CEP128: variants seen among roughly 807,000 people sequenced by gnomAD.
CEP128 encodes centrosomal protein 128kDa.
Under a neutral mutation model 156.7 loss-of-function variants are expected in CEP128, and 132 were observed. The ratio of observed to expected loss-of-function variants is 0.84; its 90% CI spans 0.73 to 0.97. The LOEUF (loss-of-function observed/expected upper bound fraction) is 0.97. CEP128 is among the 50% of genes least tolerant of loss of function. The probability of loss-of-function intolerance (pLI) is 0.00; values close to 1 mark genes in which losing one functional copy is unlikely to be tolerated. For missense variants in CEP128, 1,252 were observed against 1,281.9 expected (o/e 0.98, Z 0.36); for synonymous variants, 469 against 448.9 (o/e 1.04, Z -0.57).
chr14:80,939,130 C>G (rs1383705481), intron 2 of CEP128, among the ~76,000 whole-genome samples: 1 of 152,218 alleles, frequency 6.6e-6, no homozygotes, highest in Non-Finnish European at 1.5e-5. Flanking sequence ...AAAGCAGGTT[C>G]TCAATTCCTT....
intron 19 of CEP128, among the ~76,000 whole-genome samples, chr14:80,665,019 A>C (rs1895554966): frequency 6.6e-6 from 1 of 152,226 alleles, no homozygotes; most frequent in African/African-American, 2.4e-5. Flanking sequence ...GACTCCTTTC[A>C]ACTTTAATTA....
chr14:80,858,201 T>G (rs548703928), intron 9 of CEP128, among the ~76,000 whole-genome samples: 1 of 146,856 alleles, frequency 6.8e-6, no homozygotes, highest in East Asian at 2.0e-4. Context: ...AACAGAGATA[T>G]AGATCAATGG....
chr14:80,499,332 A>C lies in CEP128; in HGVS notation c.3182-1750T>G, dbSNP rs148541480. On this transcript the variant is annotated intron_variant, in intron 24 of 24. Transcript: ENST00000555265. ...CACCCCACGGACTTAAACTACCATT[A>C]GAGGCACCTCAAAACACAAAGTGAG... Among the ~76,000 whole-genome samples, 654 of 152,328 alleles carry C rather than the reference A, an allele frequency of 4.3e-3. 7 individuals are homozygous for C. Among genetic ancestry groups the C allele is most frequent in the Non-Finnish European group, 7.5e-3 (513 of 68,020 alleles).
At chr14:80,725,429 C>T (rs1204852903) in intron 19 of CEP128, among the ~76,000 whole-genome samples, 3 of 151,906 alleles carry the variant, frequency 2.0e-5, no homozygotes, top group Non-Finnish European at 2.9e-5. Flanking sequence ...GTGATCTGCC[C>T]GCCTCAGCCT....
chr14:80,673,494 A>C (rs908862676), intron 19 of CEP128, among the ~76,000 whole-genome samples: 2 of 145,896 alleles, frequency 1.4e-5, no homozygotes, highest in African/African-American at 5.1e-5. Flanking sequence ...ATACAAAAAA[A>C]AATTAGCCGG....
At chr14:80,588,670 C>A (rs1008092796) in intron 19 of CEP128, among the ~76,000 whole-genome samples, 2 of 152,046 alleles carry the variant, frequency 1.3e-5, no homozygotes, top group Non-Finnish European at 2.9e-5. Flanking sequence ...ATCCCCTCCC[C>A]ACTTTGAGGC....
At chr14:80,534,010 G>A (rs1179189918) in intron 21 of CEP128, among the ~76,000 whole-genome samples, 1 of 152,160 alleles carries the variant, frequency 6.6e-6, no homozygotes, top group Admixed American at 6.5e-5. Flanking sequence ...CACAAATGCT[G>A]AACTAACTAG....
At chr14:80,913,361 T>G (rs552010032) in intron 4 of CEP128, among the ~76,000 whole-genome samples, 2 of 152,234 alleles carry the variant, frequency 1.3e-5, no homozygotes, top group Admixed American at 6.5e-5. Flanking sequence ...CAAAGTTATA[T>G]GGAAAGTGAT....
chr14:80,657,250 C>T (rs572609709), intron 19 of CEP128, among the ~76,000 whole-genome samples: 1 of 150,432 alleles, frequency 6.6e-6, no homozygotes, highest in South Asian at 2.1e-4. Flanking sequence ...GAGCCAGACT[C>T]TATCTCAAAA....
In CEP128 at chr14:80,821,644, T is replaced by C. The variant is rs462506; in HGVS notation, c.1209+9499A>G. ...ACACACACACACACACACACACACA[T>C]GCACACAAAGCTAAGAATCACAAGG... On this transcript the variant is annotated intron_variant, in intron 13 of 24. Transcript: ENST00000555265. Among the ~76,000 whole-genome samples, 763 of 86,778 alleles carry C rather than the reference T, an allele frequency of 8.8e-3. 1 individual carries two copies. Among genetic ancestry groups the C allele is most frequent in the Middle Eastern group, 0.019 (3 of 160 alleles). 56.9% of individuals were successfully genotyped at this position (86,778 alleles called of 152,430 possible). A position where few individuals can be genotyped will look rare whatever the true frequency, so the allele number is the denominator to read the frequency against.
At chr14:80,860,130 G>C (rs1245358880) in intron 9 of CEP128, among the ~76,000 whole-genome samples, 1 of 152,124 alleles carries the variant, frequency 6.6e-6, no homozygotes, top group Non-Finnish European at 1.5e-5. Context: ...AAAAAGAAGG[G>C]AAAGTGTTTC....
At chr14:80,691,828 T>C (rs1326349257) in intron 19 of CEP128, among the ~76,000 whole-genome samples, 1 of 152,230 alleles carries the variant, frequency 6.6e-6, no homozygotes, top group East Asian at 1.9e-4. Flanking sequence ...ATTACTGAGA[T>C]ATATTAAAAT....
intron 24 of CEP128, among the ~76,000 whole-genome samples, chr14:80,501,039 T>C (rs528120150): frequency 6.6e-6 from 1 of 152,314 alleles, no homozygotes; most frequent in East Asian, 1.9e-4. Context: ...TAGTCTTTTT[T>C]TTTTTAAGTG....
chr14:80,921,004 A>G (rs1022443802), intron 2 of CEP128, among the ~76,000 whole-genome samples: 1 of 152,242 alleles, frequency 6.6e-6, no homozygotes, highest in African/African-American at 2.4e-5. Context: ...CAAAATAAAA[A>G]CAACTCAAAT....
chr14:80,690,928 A>G (rs1410202891), intron 19 of CEP128, among the ~76,000 whole-genome samples: 5 of 152,236 alleles, frequency 3.3e-5, no homozygotes, highest in African/African-American at 4.8e-5. Context: ...AGTTAAAAAC[A>G]CATCAAAAAA....
intron 20 of CEP128, among the ~76,000 whole-genome samples, chr14:80,573,305 T>C (rs1464469687): frequency 6.6e-6 from 1 of 152,168 alleles, no homozygotes; most frequent in African/African-American, 2.4e-5. Flanking sequence ...TATGCTTTGA[T>C]TTTCCATTTT....
intron 16 of CEP128, among the ~76,000 whole-genome samples, chr14:80,765,854 T>A (rs1900211797): frequency 6.6e-6 from 1 of 152,126 alleles, no homozygotes; most frequent in South Asian, 2.1e-4. Flanking sequence ...CATAACCTGA[T>A]CCCCTGACTA....
chr14:80,844,290 T>C (rs1187525473), intron 9 of CEP128, among the ~76,000 whole-genome samples: 1 of 152,022 alleles, frequency 6.6e-6, no homozygotes, highest in Non-Finnish European at 1.5e-5. Context: ...TTCAAAGAAA[T>C]TTATTTTTCA....
intron 19 of CEP128, among the ~76,000 whole-genome samples, chr14:80,600,044 T>C (rs1892516962): frequency 6.6e-6 from 1 of 152,158 alleles, no homozygotes; most frequent in African/African-American, 2.4e-5. Flanking sequence ...CCCAGATTCA[T>C]TCTTTTTTGT....
Sources: allele counts gnomAD v4.1 joint callset (sites outside exome capture counted in the v4.1 genomes callset), GRCh38; gene constraint gnomAD v4.1.1; transcripts MANE v1.5; gene names NCBI Gene and HGNC (gene_info 2026-07-23, HGNC 2026-07-21).